Variants in SEL1L3 observed in about 807,000 individuals in gnomAD.
The protein encoded by SEL1L3 is protein sel-1 homolog 3.
In SEL1L3, 76 loss-of-function variants were observed where a neutral mutation model predicts 142.8. The ratio of observed to expected loss-of-function variants is 0.53; its 90% confidence interval spans 0.44 to 0.64. SEL1L3 has a LOEUF of 0.64. SEL1L3 is among the 30% of genes least tolerant of loss of function. The probability of loss-of-function intolerance (pLI) is 0.00; values close to 1 mark genes in which losing one functional copy is unlikely to be tolerated. For synonymous variants in SEL1L3, 504 were observed against 519.6 expected (o/e 0.97, Z 0.41); for missense variants, 1,262 against 1,381.7 (o/e 0.91, Z 1.37).
At chr4:25,725,011 G>A in the SEL1L3 span, among the ~76,000 whole-genome samples, 27 of 152,036 alleles carry the variant, frequency 1.8e-4, no homozygotes, top group Non-Finnish European at 3.4e-4. Context: ...TCTTCCCAGA[G>A]GACATTTCAG....
In SEL1L3 at chr4:25,862,761, G is replaced by A. The variant is rs1313250023; in HGVS notation, c.76C>T (p.Arg26Trp). Residue 26 changes from arginine (R) to tryptophan (W), a missense_variant, in exon 1 of 24, where the codon CGG becomes TGG. By Grantham distance (101) the Arg-to-Trp change is moderately radical (BLOSUM62 -3). This residue lies in a region of SEL1L3 where 689 missense variants were observed against 692.8 expected (regional missense o/e 0.99). Coordinates refer to ENST00000399878, the MANE Select transcript of SEL1L3 (RefSeq NM_015187.5). ...CCACTCGGGACCATGGCTGCGGCCC[G>A]GGGGCCGACCGCGAGCGGCGGGGGT... Reference protein sequence around the residue: ...QQPPPLAVGPRAAAMVPSGGV... With the variant: ...QQPPPLAVGPWAAAMVPSGGV... 8.3e-7 allele frequency: 1 copy of A among 1,208,030 alleles called. No homozygotes were observed. The highest frequency in any genetic ancestry group is 1.0e-6 in the Non-Finnish European group (1 of 973,610). 74.8% of individuals were successfully genotyped at this position (1,208,030 alleles called of 1,614,324 possible).
At chr4:25,833,152 T>A (rs1715554190) in intron 4 of SEL1L3, 42 bp from the exon 5 acceptor site, 2 of 1,117,184 alleles carry the variant, frequency 1.8e-6, no homozygotes. Flanking sequence ...GCAAAAAATA[T>A]CTACGAGTGA....
chr4:25,795,125 T>G (rs1712631464), intron 11 of SEL1L3, among the ~76,000 whole-genome samples: 1 of 151,958 alleles, frequency 6.6e-6, no homozygotes, highest in African/African-American at 2.4e-5. Flanking sequence ...AGATGATGAG[T>G]TGATAGGTGC....
At chr4:25,816,984 C>A (rs1472562794) in intron 9 of SEL1L3, among the ~76,000 whole-genome samples, 1 of 152,202 alleles carries the variant, frequency 6.6e-6, no homozygotes, top group Non-Finnish European at 1.5e-5. Flanking sequence ...GTGTCTCCAC[C>A]ATTAGCTTCT....
chr4:25,728,896 GC>G, the SEL1L3 span, among the ~76,000 whole-genome samples: 1 of 149,246 alleles, frequency 6.7e-6, no homozygotes. Flanking sequence ...AAAATCCTAA[GC>G]CCCCTGATCA....
chr4:25,782,561 A>G (rs1454308567), intron 14 of SEL1L3, 143 bp from the exon 15 acceptor site: 1 of 720,720 alleles, frequency 1.4e-6, no homozygotes, highest in Non-Finnish European at 2.2e-6. Context: ...CATTAAAGAA[A>G]AGCTAAGTGC....
At chr4:25,739,236 C>A in the SEL1L3 span, among the ~76,000 whole-genome samples, 799 of 151,570 alleles carry the variant, frequency 5.3e-3, 9 homozygotes, top group African/African-American at 0.018. Flanking sequence ...ACAACAACAA[C>A]AAAAAAACAA....
At chr4:25,782,036 G>A (rs1251481576) in intron 15 of SEL1L3, among the ~76,000 whole-genome samples, 1 of 152,160 alleles carries the variant, frequency 6.6e-6, no homozygotes, top group Non-Finnish European at 1.5e-5. Flanking sequence ...CCAGAGCTTT[G>A]GGTCATGCCA....
At position 25,797,912 on chromosome 4, in the gene SEL1L3, C is replaced by T. The variant is rs909202913; in HGVS notation, c.1956+4371G>A. 4.6e-5 allele frequency among the ~76,000 whole-genome samples: 7 copies of T among 152,176 alleles called. No homozygotes were observed. In the East Asian group the frequency reaches 5.8e-4, roughly 13 times the overall value. The stretch of plus-strand genomic sequence containing the variant: ...ATGGGAGAGATGTGCCTAGATGTGA[C>T]GGTGGCACAGCAAGGAGAGACCCAG... On this transcript the variant is annotated intron_variant, in intron 11 of 23. Coordinates refer to ENST00000399878, the MANE Select transcript of SEL1L3 (RefSeq NM_015187.5).
chr4:25,790,320 A>AT, intron 12 of SEL1L3, 135 bp downstream of exon 12: 1 of 830,136 alleles, frequency 1.2e-6, no homozygotes, highest in Non-Finnish European at 2.0e-6. Flanking sequence ...GACAACCCCT[A>AT]TTGGACATGC....
At chr4:25,737,562 C>G in the SEL1L3 span, among the ~76,000 whole-genome samples, 1 of 152,138 alleles carries the variant, frequency 6.6e-6, no homozygotes, top group South Asian at 2.1e-4. Flanking sequence ...GGCCCTAGCT[C>G]TAAATGCTAT....
rs200557690 is a variant in SEL1L3 at position 25,765,401 on chromosome 4, G to A, written c.2880C>T (p.Gly960=). 1.5e-3 allele frequency: 2,374 copies of A among 1,613,418 alleles called. 3 individuals carry two copies. Among genetic ancestry groups the A allele is most frequent in the Non-Finnish European group, 1.7e-3 (2,002 of 1,179,396 alleles). ...YLKMGDLYYY[G]HQNQSQDLEL... ...CCAGGTCTTGTGACTGGTTTTGGTG[G>A]CCATAGTAGTAAAGGTCTCCCATCT... Residue 960 remains glycine, a synonymous_variant, in exon 20 of 24, where the codon GGC becomes GGT. Transcript: ENST00000399878.
intron 23 of SEL1L3, 73 bp downstream of exon 23, chr4:25,757,457 CAAAA>C (rs879068722): frequency 0.018 from 7,034 of 400,038 alleles, no homozygotes; most frequent in East Asian, 0.027. Flanking sequence ...TCCAGTAGAC[CAAAA>C]AAAAAAAAAA....
downstream of SEL1L3, among the ~76,000 whole-genome samples, chr4:25,743,706 T>C (rs774267699): frequency 1.3e-5 from 2 of 152,206 alleles, no homozygotes; most frequent in Non-Finnish European, 2.9e-5. Context: ...TACGCATTTA[T>C]CTCAGTGAGC....
At chr4:25,727,297 C>T in the SEL1L3 span, among the ~76,000 whole-genome samples, 3 of 152,202 alleles carry the variant, frequency 2.0e-5, no homozygotes, top group Non-Finnish European at 4.4e-5. Context: ...CGTGATCCGC[C>T]CTCCTTGGCC....
At chr4:25,804,502 G>A (rs2109224685) in intron 10 of SEL1L3, 39 bp downstream of exon 10, 1 of 1,439,126 alleles carries the variant, frequency 6.9e-7, no homozygotes, top group South Asian at 1.2e-5. Context: ...CAAATATAAT[G>A]CAAGTGACTG....
chr4:25,734,484 T>C, the SEL1L3 span, among the ~76,000 whole-genome samples: 7 of 152,236 alleles, frequency 4.6e-5, no homozygotes, highest in Non-Finnish European at 1.0e-4. Context: ...AAACAACCTT[T>C]ATTCCTGAGA....
At chr4:25,834,885 C>A (rs1577675635) in intron 3 of SEL1L3, among the ~76,000 whole-genome samples, 1 of 152,226 alleles carries the variant, frequency 6.6e-6, no homozygotes, top group African/African-American at 2.4e-5. Flanking sequence ...GCCAAGGCTG[C>A]AATGTGTGCT....
At chr4:25,860,408 A>G (rs1220190811) in intron 1 of SEL1L3, among the ~76,000 whole-genome samples, 1 of 152,110 alleles carries the variant, frequency 6.6e-6, no homozygotes, top group Non-Finnish European at 1.5e-5. Context: ...ACACAATTAT[A>G]CATTTGCGTT....
Sources: gnomAD v4.1 joint callset for allele counts (sites outside exome capture counted in the v4.1 genomes callset) on GRCh38, gnomAD v4.1.1 for gene constraint, gnomAD v4.1.1 regional missense constraint, MANE v1.5 for transcripts, NCBI Gene and HGNC (gene_info 2026-07-23, HGNC 2026-07-21) for gene names.